Variants in FRMD6 observed in about 807,000 individuals in gnomAD.
FRMD6 encodes the protein FERM domain-containing protein 6.
Under a neutral mutation model 73.2 loss-of-function variants are expected in FRMD6, and 37 were observed. That is an observed-to-expected ratio of 0.51 (90% CI 0.39 to 0.66). FRMD6 has a LOEUF of 0.66. FRMD6 is among the 30% of genes least tolerant of loss of function. The probability of loss-of-function intolerance (pLI) is 0.00; values close to 1 mark genes in which losing one functional copy is unlikely to be tolerated. For synonymous variants in FRMD6, 273 were observed against 282.2 expected (o/e 0.97, Z 0.33); for missense variants, 714 against 780.5 (o/e 0.91, Z 1.02).
rs558134947 is a variant in FRMD6 at position 51,700,459 on chromosome 14, A to G, written c.191-597A>G. Among the ~76,000 whole-genome samples the G allele has an allele frequency of 5.3e-5, 8 of 152,070 alleles. No individual in the cohort carries two copies. In the East Asian group the frequency reaches 1.4e-3, roughly 26 times the overall value. On this transcript the variant is annotated intron_variant, in intron 3 of 13. Coordinates refer to ENST00000344768, the MANE Select transcript of FRMD6 (RefSeq NM_001267046.2). ...TCATAAAATGTTTCTTCTCTTTTCC[A>G]TGAAATTGATCCCAAAGGCAGTGCG...
At chr14:51,473,148 A>G in the FRMD6 span, among the ~76,000 whole-genome samples, 1 of 152,128 alleles carries the variant, frequency 6.6e-6, no homozygotes, top group African/African-American at 2.4e-5. Context: ...TGTGCTTCCC[A>G]CGTCAGGATA....
the FRMD6 span, among the ~76,000 whole-genome samples, chr14:51,430,831 C>A: frequency 1.3e-5 from 2 of 152,140 alleles, no homozygotes; most frequent in Non-Finnish European, 2.9e-5. Context: ...ATGAGCCGAG[C>A]CACAGGGCTT....
chr14:51,537,906 T>G (rs1885985733), intron 1 of FRMD6, among the ~76,000 whole-genome samples: 1 of 152,214 alleles, frequency 6.6e-6, no homozygotes, highest in Non-Finnish European at 1.5e-5. Flanking sequence ...TGAATAACAG[T>G]TCTTTATCAG....
intron 1 of FRMD6, among the ~76,000 whole-genome samples, chr14:51,569,007 G>A (rs1417436698): frequency 6.6e-6 from 1 of 152,040 alleles, no homozygotes; most frequent in East Asian, 1.9e-4. Context: ...CACCACGCCT[G>A]GCTAATTTTT....
rs1898087157 is a variant in FRMD6 at position 51,728,107 on chromosome 14, CT to C, written c.*80del. On this transcript the variant is annotated 3_prime_UTR_variant, in exon 14 of 14. Transcript: ENST00000344768. Reference sequence around the variant, plus strand: ...AAAGTCATAAGTTCTTTACATATTACTTGTGCCATATCTTCTTCACCCTAAA... The same window carrying C: ...AAAGTCATAAGTTCTTTACATATTACTGTGCCATATCTTCTTCACCCTAAA... 2.3e-6 allele frequency: 3 copies of C among 1,323,898 alleles called. No individual in the cohort carries two copies. The highest frequency in any genetic ancestry group is 3.1e-6 in the Non-Finnish European group (3 of 962,190). 82.0% of individuals were successfully genotyped at this position (1,323,898 alleles called of 1,614,324 possible).
intron 1 of FRMD6, among the ~76,000 whole-genome samples, chr14:51,686,969 T>A (rs539878297): frequency 5.7e-4 from 87 of 152,262 alleles, no homozygotes; most frequent in Middle Eastern, 3.4e-3. Context: ...AACTCTTTCT[T>A]TAAGGGCTTT....
At chr14:51,444,120 G>C in the FRMD6 span, among the ~76,000 whole-genome samples, 2 of 152,070 alleles carry the variant, frequency 1.3e-5, no homozygotes, top group African/African-American at 4.8e-5. Flanking sequence ...GTTGAGACAG[G>C]GTTTTGCCAT....
intron 7 of FRMD6, among the ~76,000 whole-genome samples, chr14:51,708,605 C>T (rs1293961788): frequency 1.3e-5 from 2 of 152,084 alleles, no homozygotes; most frequent in Non-Finnish European, 2.9e-5. Context: ...TAATATTCCT[C>T]AAAGTGAAGC....
chr14:51,574,428 T>C (rs1355870696), intron 2 of FRMD6, among the ~76,000 whole-genome samples: 2 of 152,182 alleles, frequency 1.3e-5, no homozygotes, highest in Non-Finnish European at 2.9e-5. Context: ...GTGTCCATCA[T>C]GAGACAAATG....
chr14:51,401,807 G>A, the FRMD6 span, among the ~76,000 whole-genome samples: 1 of 152,194 alleles, frequency 6.6e-6, no homozygotes, highest in South Asian at 2.1e-4. Flanking sequence ...GGAAGAACAG[G>A]GGGTGCCCAA....
intron 2 of FRMD6, among the ~76,000 whole-genome samples, chr14:51,602,491 A>G (rs1216361155): frequency 6.6e-6 from 1 of 152,264 alleles, no homozygotes; most frequent in Non-Finnish European, 1.5e-5. Context: ...GAAGAAGACT[A>G]TTTTATGACA....
At chr14:51,457,361 A>G in the FRMD6 span, among the ~76,000 whole-genome samples, 2 of 152,186 alleles carry the variant, frequency 1.3e-5, no homozygotes, top group Non-Finnish European at 2.9e-5. Flanking sequence ...AGAAAAAAAA[A>G]CAACAAAACA....
intron 3 of FRMD6, among the ~76,000 whole-genome samples, chr14:51,699,010 T>C (rs115054631): frequency 0.012 from 1,851 of 152,252 alleles, 48 homozygotes; most frequent in African/African-American, 0.042. Context: ...TGGTTTATTT[T>C]CTACTGCTGG....
chr14:51,440,946 G>A, the FRMD6 span, among the ~76,000 whole-genome samples: 2 of 152,320 alleles, frequency 1.3e-5, no homozygotes, highest in African/African-American at 4.8e-5. Context: ...ATTTGGGGCT[G>A]TATAATCCAA....
chr14:51,595,056 A>G (rs1889634291), intron 2 of FRMD6, among the ~76,000 whole-genome samples: 1 of 152,212 alleles, frequency 6.6e-6, no homozygotes, highest in African/African-American at 2.4e-5. Context: ...GGATTGTGCT[A>G]GACACCAAAG....
intron 2 of FRMD6, chr14:51,575,701 T>C (rs933986039): frequency 6.6e-6 from 1 of 152,256 alleles, no homozygotes; most frequent in African/African-American, 2.4e-5. Context: ...TACGCTGCAG[T>C]GCTTTCAGCT....
At chr14:51,443,174 TCAAA>T in the FRMD6 span, among the ~76,000 whole-genome samples, 1 of 152,228 alleles carries the variant, frequency 6.6e-6, no homozygotes, top group Non-Finnish European at 1.5e-5. Flanking sequence ...TCCCTATCTT[TCAAA>T]CAGTCTTTTC....
the FRMD6 span, among the ~76,000 whole-genome samples, chr14:51,423,003 T>TCCA: frequency 6.6e-6 from 1 of 152,208 alleles, no homozygotes; most frequent in Non-Finnish European, 1.5e-5. Flanking sequence ...TCTTTCCTTT[T>TCCA]CCACCACCAC....
At chr14:51,668,051 T>G (rs1330346678) in intron 1 of FRMD6, among the ~76,000 whole-genome samples, 1 of 152,206 alleles carries the variant, frequency 6.6e-6, no homozygotes, top group Non-Finnish European at 1.5e-5. Context: ...AATTACTGCC[T>G]TACATATTCT....
Sources: gnomAD v4.1 joint callset for allele counts (sites outside exome capture counted in the v4.1 genomes callset) on GRCh38, gnomAD v4.1.1 for gene constraint, MANE v1.5 for transcripts, NCBI Gene and HGNC (gene_info 2026-07-23, HGNC 2026-07-21) for gene names.